AGTPBP1: variants seen among roughly 807,000 people sequenced by gnomAD.
AGTPBP1 encodes cytosolic carboxypeptidase 1.
In AGTPBP1, 70 loss-of-function variants were observed where a neutral mutation model predicts 143.9. That is an observed-to-expected ratio of 0.49 (90% CI 0.40 to 0.59). AGTPBP1 has a LOEUF of 0.59. Among genes scored for constraint, AGTPBP1 ranks in the 20% least tolerant of loss-of-function variants. The probability of loss-of-function intolerance (pLI) is 0.00; values close to 1 mark genes in which losing one functional copy is unlikely to be tolerated. For missense variants in AGTPBP1, 1,229 were observed against 1,464.5 expected (o/e 0.84, Z 2.62); for synonymous variants, 463 against 500.2 (o/e 0.93, Z 0.99).
rs575887628 is a variant in AGTPBP1 at position 85,607,916 on chromosome 9, T to C, written c.2335+11067A>G. ...ATGACTCTACGTAGAAAAAAATACA[T>C]GCTTCTAACACGTCTAGTATTACAG... On this transcript the variant is annotated intron_variant, in intron 17 of 25. Coordinates refer to ENST00000357081, the MANE Select transcript of AGTPBP1 (RefSeq NM_001330701.2). Among the ~76,000 whole-genome samples, 3 of 152,226 alleles carry C rather than the reference T, an allele frequency of 2.0e-5. No individual in the cohort carries two copies. The South Asian group carries it at 6.2e-4, about 32-fold the overall frequency.
At chr9:85,782,769 C>T in the AGTPBP1 span, among the ~76,000 whole-genome samples, 1 of 152,162 alleles carries the variant, frequency 6.6e-6, no homozygotes, top group African/African-American at 2.4e-5. Flanking sequence ...AGACGTGATA[C>T]AAACATACGA....
At chr9:85,668,977 G>A (rs769155983) in intron 8 of AGTPBP1, among the ~76,000 whole-genome samples, 13,016 of 89,032 alleles carry the variant, frequency 0.15, 877 homozygotes, top group African/African-American at 0.23. Context: ...ATGTGTGTGT[G>A]TGTGTGTGTG....
intron 11 of AGTPBP1, among the ~76,000 whole-genome samples, chr9:85,654,536 A>G (rs1293331950): frequency 6.6e-6 from 1 of 152,140 alleles, no homozygotes; most frequent in Non-Finnish European, 1.5e-5. Context: ...TTATATTTTT[A>G]CACTTTAAAA....
intron 19 of AGTPBP1, among the ~76,000 whole-genome samples, chr9:85,591,916 ATT>A (rs1301329061): frequency 6.6e-6 from 1 of 152,024 alleles, no homozygotes; most frequent in Non-Finnish European, 1.5e-5. Context: ...CACAGTCGAT[ATT>A]TAATTACTAG....
At chr9:85,716,295 A>T (rs1165012427) in intron 1 of AGTPBP1, among the ~76,000 whole-genome samples, 1 of 152,070 alleles carries the variant, frequency 6.6e-6, no homozygotes, top group Non-Finnish European at 1.5e-5. Flanking sequence ...TCCCAACCTC[A>T]CTGACCACTT....
the AGTPBP1 span, among the ~76,000 whole-genome samples, chr9:85,757,384 T>C: frequency 6.6e-6 from 1 of 152,204 alleles, no homozygotes; most frequent in African/African-American, 2.4e-5. Flanking sequence ...ATACTTTAAA[T>C]TGGTGAACTG....
intron 2 of AGTPBP1, among the ~76,000 whole-genome samples, chr9:85,698,265 GAA>G (rs1836401747): frequency 6.6e-6 from 1 of 152,068 alleles, no homozygotes; most frequent in Admixed American, 6.6e-5. Flanking sequence ...CACTACAAAA[GAA>G]AACTTTCATC....
At chr9:85,680,809 C>T (rs776486707) in intron 4 of AGTPBP1, among the ~76,000 whole-genome samples, 19 of 152,122 alleles carry the variant, frequency 1.2e-4, no homozygotes, top group Non-Finnish European at 2.4e-4. Flanking sequence ...TTTACACTGG[C>T]GTAGAAATTC....
chr9:85,588,224 T>C (rs969415962), intron 21 of AGTPBP1, 74 bp downstream of exon 21: 6 of 1,250,318 alleles, frequency 4.8e-6, no homozygotes, highest in Middle Eastern at 2.7e-4. Flanking sequence ...AACCTGGACA[T>C]TGTTATTTCA....
intron 18 of AGTPBP1, among the ~76,000 whole-genome samples, chr9:85,595,524 T>A (rs1331444730): frequency 4.6e-5 from 7 of 152,218 alleles, no homozygotes; most frequent in Admixed American, 3.9e-4. Flanking sequence ...CACTTATTTA[T>A]TTTATTTATT....
chr9:85,679,280 A>G (rs998187579), intron 4 of AGTPBP1, among the ~76,000 whole-genome samples: 17 of 152,334 alleles, frequency 1.1e-4, no homozygotes, highest in South Asian at 2.1e-4. Context: ...GGTTTTATTT[A>G]TCTTCTTAAA....
chr9:85,785,072 C>T, the AGTPBP1 span, among the ~76,000 whole-genome samples: 1 of 152,108 alleles, frequency 6.6e-6, no homozygotes, highest in Non-Finnish European at 1.5e-5. Context: ...GTGGCTCATG[C>T]CTGTAATCCC....
chr9:85,633,498 G>T, intron 13 of AGTPBP1, 124 bp from the exon 14 acceptor site: 1 of 687,640 alleles, frequency 1.5e-6, no homozygotes, highest in Non-Finnish European at 2.2e-6. Context: ...GGATAAAACC[G>T]GATATGTTTT....
At chr9:85,716,467 C>G (rs1259562382) in intron 1 of AGTPBP1, among the ~76,000 whole-genome samples, 1 of 152,262 alleles carries the variant, frequency 6.6e-6, no homozygotes, top group Non-Finnish European at 1.5e-5. Context: ...CGGATCTGAC[C>G]TTCCCTTCCA....
the AGTPBP1 span, chr9:85,786,408 G>T: frequency 6.2e-7 from 1 of 1,613,972 alleles, no homozygotes. Flanking sequence ...CAGGTTGTGG[G>T]AAATGTGGGA....
chr9:85,578,585 A>T (rs1250651284), intron 24 of AGTPBP1, among the ~76,000 whole-genome samples: 2 of 152,118 alleles, frequency 1.3e-5, no homozygotes. Context: ...AAATTAAAAC[A>T]ATAGAAAATT....
intron 17 of AGTPBP1, among the ~76,000 whole-genome samples, chr9:85,607,563 C>T (rs1027104626): frequency 2.0e-5 from 3 of 152,022 alleles, no homozygotes; most frequent in African/African-American, 7.2e-5. Flanking sequence ...GTATGTAAAA[C>T]AAGTGTGCTT....
At chr9:85,627,796 T>C (rs1831396374) in intron 14 of AGTPBP1, among the ~76,000 whole-genome samples, 1 of 152,250 alleles carries the variant, frequency 6.6e-6, no homozygotes, top group South Asian at 2.1e-4. Flanking sequence ...CTGTTCCTTA[T>C]GATTTTCTTA....
chr9:85,764,152 T>C, the AGTPBP1 span, among the ~76,000 whole-genome samples: 4 of 151,372 alleles, frequency 2.6e-5, no homozygotes, highest in Non-Finnish European at 5.9e-5. Flanking sequence ...TCTGAAAACC[T>C]AGTCAAGGCA....
Sources: gnomAD v4.1 joint callset for allele counts (sites outside exome capture counted in the v4.1 genomes callset) on GRCh38, gnomAD v4.1.1 for gene constraint, MANE v1.5 for transcripts, NCBI Gene and HGNC (gene_info 2026-07-23, HGNC 2026-07-21) for gene names.